Variants in TMEM17 observed in about 807,000 individuals in gnomAD.
The protein encoded by TMEM17 is transmembrane protein 17.
A neutral mutation model predicts 19.1 loss-of-function variants in TMEM17; 15 were observed. The observed-to-expected ratio is 0.78, with a 90% CI of 0.52 to 1.21. The LOEUF is 1.21. TMEM17 is among the 50% of genes most tolerant of loss of function. TMEM17 has a pLI of 0.00. For synonymous variants in TMEM17, 103 were observed against 86.9 expected (o/e 1.19, Z -1.03); for missense variants, 245 against 242.3 (o/e 1.01, Z -0.07).
At chr2:62,472,522 A>C in the TMEM17 span, among the ~76,000 whole-genome samples, 1 of 152,126 alleles carries the variant, frequency 6.6e-6, no homozygotes, top group Non-Finnish European at 1.5e-5. Flanking sequence ...AACCTTAGGG[A>C]GTGGACAGAG....
the TMEM17 span, among the ~76,000 whole-genome samples, chr2:62,492,254 G>A: frequency 7.9e-5 from 12 of 152,214 alleles, no homozygotes; most frequent in Admixed American, 2.0e-4. Flanking sequence ...TTTACTTGCT[G>A]TGTGACCCTG....
the TMEM17 span, among the ~76,000 whole-genome samples, chr2:62,461,902 A>G: frequency 6.6e-6 from 1 of 152,242 alleles, no homozygotes; most frequent in African/African-American, 2.4e-5. Context: ...ACTCCACTCA[A>G]CACTGCTGCC....
At chr2:62,474,842 G>T in the TMEM17 span, among the ~76,000 whole-genome samples, 1 of 152,068 alleles carries the variant, frequency 6.6e-6, no homozygotes, top group South Asian at 2.1e-4. Flanking sequence ...CTCGTTCCTT[G>T]CCTCTATCCC....
the TMEM17 span, among the ~76,000 whole-genome samples, chr2:62,491,831 A>T: frequency 6.6e-6 from 1 of 151,980 alleles, no homozygotes; most frequent in South Asian, 2.1e-4. Context: ...TTAATCAAAT[A>T]TACATCTCTT....
chr2:62,485,266 G>A, the TMEM17 span, among the ~76,000 whole-genome samples: 3 of 152,322 alleles, frequency 2.0e-5, no homozygotes, highest in African/African-American at 7.2e-5. Context: ...TTGCATCAGA[G>A]GATGCCATTG....
chr2:62,504,023 C>T (rs1332220701), intron 1 of TMEM17, among the ~76,000 whole-genome samples: 2 of 152,190 alleles, frequency 1.3e-5, no homozygotes, highest in Admixed American at 1.3e-4. Flanking sequence ...ATATTGAAAT[C>T]AGTTGCTGTA....
At chr2:62,456,906 ACAGGAC>A in the TMEM17 span, among the ~76,000 whole-genome samples, 3 of 152,230 alleles carry the variant, frequency 2.0e-5, no homozygotes, top group African/African-American at 7.2e-5. Context: ...GGCGGCGGGG[ACAGGAC>A]CAGAACTTGG....
rs748801318 is a variant in TMEM17 at position 62,501,212 on chromosome 2, G to T, written c.594C>A (p.Ile198=). 2.5e-6 allele frequency: 4 copies of T among 1,613,256 alleles called. No individual in the cohort carries two copies. In the South Asian group the frequency reaches 4.4e-5, roughly 18 times the overall value. Residue 198 remains isoleucine, a synonymous_variant, in exon 4 of 4, where the codon ATC becomes ATA. Coordinates refer to ENST00000335390, the MANE Select transcript of TMEM17 (RefSeq NM_198276.3). Reference sequence around the variant, plus strand: ...ATTTTCACTCAACAACACTGGATCAGATCTCTTCTATACATGACCTCATCC... The same window carrying T: ...ATTTTCACTCAACAACACTGGATCATATCTCTTCTATACATGACCTCATCC... The part of the protein sequence containing the change: ...MRRMRSCIEE[I]
downstream of TMEM17, among the ~76,000 whole-genome samples, chr2:62,499,825 T>G (rs957932362): frequency 2.6e-5 from 4 of 152,208 alleles, no homozygotes; most frequent in Admixed American, 1.3e-4. Context: ...TCATATCCAT[T>G]AAGACAGTCC....
At chr2:62,496,835 C>T (rs796395031), downstream of TMEM17, among the ~76,000 whole-genome samples, 15 of 152,290 alleles carry the variant, frequency 9.8e-5, no homozygotes, top group African/African-American at 3.1e-4. Flanking sequence ...TGGTGGCTCA[C>T]GCCTGTAATC....
chr2:62,498,891 A>G (rs1334502807), downstream of TMEM17, among the ~76,000 whole-genome samples: 1 of 152,158 alleles, frequency 6.6e-6, no homozygotes, highest in Non-Finnish European at 1.5e-5. Context: ...ATATTCAAAT[A>G]AAATGAAAGA....
the TMEM17 span, among the ~76,000 whole-genome samples, chr2:62,465,887 A>G: frequency 6.6e-6 from 1 of 152,220 alleles, no homozygotes; most frequent in East Asian, 1.9e-4. Context: ...TTGACCAGAC[A>G]GGCAAAAGCA....
chr2:62,467,032 A>G, the TMEM17 span, among the ~76,000 whole-genome samples: 1 of 152,022 alleles, frequency 6.6e-6, no homozygotes, highest in Non-Finnish European at 1.5e-5. Context: ...CCAGGTTAAT[A>G]GGTTCCAGGT....
chr2:62,491,487 C>T, the TMEM17 span: 4 of 152,710 alleles, frequency 2.6e-5, no homozygotes, highest in Admixed American at 6.6e-5. Context: ...AACAAACAAA[C>T]AAACAACAAC....
chr2:62,503,188 C>A (rs1679977361), intron 1 of TMEM17, among the ~76,000 whole-genome samples: 1 of 152,086 alleles, frequency 6.6e-6, no homozygotes, highest in African/African-American at 2.4e-5. Context: ...ATGAATCTCC[C>A]ACAGATAAAC....
At chr2:62,458,204 TAGTC>T in the TMEM17 span, among the ~76,000 whole-genome samples, 2 of 152,286 alleles carry the variant, frequency 1.3e-5, no homozygotes, top group South Asian at 4.2e-4. Flanking sequence ...TCCCATCTCT[TAGTC>T]TGGGCGGATC....
chr2:62,456,025 T>C, the TMEM17 span, among the ~76,000 whole-genome samples: 10 of 152,224 alleles, frequency 6.6e-5, no homozygotes, highest in Admixed American at 6.5e-4. Flanking sequence ...TCTACGTGGC[T>C]GTTCCTTTTT....
the TMEM17 span, among the ~76,000 whole-genome samples, chr2:62,458,410 G>A: frequency 5.2e-4 from 79 of 152,274 alleles, no homozygotes; most frequent in Non-Finnish European, 8.1e-4. Flanking sequence ...TTCATTCCAC[G>A]TGTAAGTGCA....
downstream of TMEM17, among the ~76,000 whole-genome samples, chr2:62,496,097 T>C (rs1268363118): frequency 1.3e-5 from 2 of 151,308 alleles, no homozygotes; most frequent in African/African-American, 2.4e-5. Context: ...TTTTTTTTTC[T>C]CTTGAGACTC....
Sources: gnomAD v4.1 joint callset for allele counts (sites outside exome capture counted in the v4.1 genomes callset) on GRCh38, gnomAD v4.1.1 for gene constraint, MANE v1.5 for transcripts, NCBI Gene and HGNC (gene_info 2026-07-23, HGNC 2026-07-21) for gene names.